ATG4D: variants seen among roughly 807,000 people sequenced by gnomAD.
ATG4D encodes autophagy related 4D cysteine peptidase.
ATG4D carries 51 observed loss-of-function variants against 55.2 expected under a neutral mutation model. The observed-to-expected ratio is 0.92, with a 90% CI of 0.74 to 1.17. ATG4D has a LOEUF of 1.17. Among genes scored for constraint, ATG4D ranks in the 50% most tolerant of loss-of-function variants. The pLI is 0.00. For synonymous variants in ATG4D, 268 were observed against 266.2 expected, an observed-to-expected ratio of 1.01 and a Z score of -0.07; for missense variants, 635 against 649.6, an observed-to-expected ratio of 0.98 and a Z score of 0.25.
Position 10,545,027 on chromosome 19 carries a change from C to T in ATG4D, c.390C>T (p.Pro130=). Residue 130 remains proline (P), a synonymous_variant, in exon 3 of 10, where the codon CCC becomes CCT. Transcript: ENST00000309469. ...LWLTYRRDFP[P]LPGGCLTSDC... ...TCACATACCGCCGGGACTTCCCGCC[C>T]CTTCCTGGGGGCTGCCTGACCTCGG... 1 of 1,611,884 alleles carries T rather than the reference C, an allele frequency of 6.2e-7. No individual in the cohort carries two copies. Among genetic ancestry groups the T allele is most frequent in the Non-Finnish European group, 8.5e-7 (1 of 1,179,044 alleles).
In ATG4D at chr19:10,546,973, C is replaced by G. The variant is rs371300714; in HGVS notation, c.628C>G (p.Arg210Gly). 6.2e-7 allele frequency: 1 copy of G among 1,606,212 alleles called. No individual in the cohort carries two copies. Among genetic ancestry groups the G allele is most frequent in the Admixed American group, 1.7e-5 (1 of 58,284 alleles). Reference sequence around the variant, plus strand: ...GGGTGCCCCTGAGCTGGAGCAGGAACGCCGGCACCGGCAGATTGTGTCCTG... The same window carrying G: ...GGGTGCCCCTGAGCTGGAGCAGGAAGGCCGGCACCGGCAGATTGTGTCCTG... ...AQGAPELEQE[R>G]RHRQIVSWFA... is the part of the protein sequence containing the mutation. The change falls in exon 4 of 10, where the codon CGC becomes GGC. Residue 210 changes from arginine to glycine, a missense_variant. Coordinates refer to ENST00000309469, the MANE Select transcript of ATG4D (RefSeq NM_032885.6).
In ATG4D at chr19:10,552,290, A is replaced by G. The variant is rs776358793; in HGVS notation, c.1208A>G (p.Lys403Arg). ...GTGGGCTTCTATGCTGGAGACAGGA[A>G]GGAGTTTGAGACACTCTGCTCAGAG... ...CTVGFYAGDR[K>R]EFETLCSELT... Residue 403 changes from lysine to arginine, a missense_variant, in exon 9 of 10, where the codon AAG (lysine) becomes AGG (arginine). By Grantham distance (26) the Lys-to-Arg change is conservative. Transcript: ENST00000309469. 4 of 1,613,444 alleles carry G rather than the reference A, an allele frequency of 2.5e-6. No individual in the cohort carries two copies. The highest frequency in any genetic ancestry group is 1.6e-4 in the Middle Eastern group (1 of 6,062).
Position 10,543,978 on chromosome 19 carries a change from C to T in ATG4D, c.-113C>T, listed in dbSNP as rs1915943265. 3.1e-6 allele frequency: 2 copies of T among 648,832 alleles called. No individual in the cohort carries two copies. Among genetic ancestry groups the T allele is most frequent in the Non-Finnish European group, 4.3e-6 (2 of 460,506 alleles). 40.2% of individuals were successfully genotyped at this position (648,832 alleles called of 1,614,324 possible). On this transcript the variant is annotated 5_prime_UTR_variant, in exon 1 of 10. It adds an upstream start codon to the 5' untranslated region. Coordinates refer to ENST00000309469, the MANE Select transcript of ATG4D (RefSeq NM_032885.6). ...GTTGCCTGGCCCGGTACCCTGGGGA[C>T]GGGGGCCGAGTAGCGCCTTCCCCGG...
At chr19:10,545,334 G>A (rs1474462193) in intron 3 of ATG4D, among the ~76,000 whole-genome samples, 1 of 152,146 alleles carries the variant, frequency 6.6e-6, no homozygotes, top group Non-Finnish European at 1.5e-5. Context: ...CACTTTGGGA[G>A]GCTGAGGCGG....
intron 6 of ATG4D, among the ~76,000 whole-genome samples, chr19:10,549,342 T>A (rs900289895): frequency 2.6e-5 from 4 of 152,130 alleles, no homozygotes; most frequent in Admixed American, 6.6e-5. Context: ...AGGCTGATCT[T>A]GAACTCCTAA....
rs1172857644 is a variant in ATG4D, at chr19:10,545,113, T to G, written c.476T>G (p.Leu159Arg). ...GQMMLAQGLLLHFLPRDWTWA... is the reference protein window; with the variant it reads ...GQMMLAQGLLRHFLPRDWTWA... ...ATGATGCTGGCACAGGGCCTTCTGC[T>G]GCATTTCCTGCCCAGAGGTGAGCCA... is the stretch of plus-strand genomic sequence containing the variant. The change falls in exon 3 of 10, where the codon CTG becomes CGG. Residue 159 changes from leucine to arginine, a missense_variant. Physicochemically the swap from Leu to Arg is moderately radical, Grantham distance 102. Transcript: ENST00000309469. 6.2e-7 allele frequency: 1 copy of G among 1,610,874 alleles called. No individual in the cohort carries two copies. The highest frequency in any genetic ancestry group is 8.5e-7 in the Non-Finnish European group (1 of 1,179,998).
intron 6 of ATG4D, among the ~76,000 whole-genome samples, chr19:10,549,582 T>C (rs1415015376): frequency 6.6e-6 from 1 of 151,264 alleles, no homozygotes. Flanking sequence ...CACGCCCGGC[T>C]AACTTTTGTA....
intron 7 of ATG4D, 34 bp downstream of exon 7, chr19:10,552,009 C>G (rs1274407557): frequency 6.2e-7 from 1 of 1,606,734 alleles, no homozygotes; most frequent in Non-Finnish European, 8.5e-7. Flanking sequence ...CTCCCACCCC[C>G]CACCGCACCC....
At chr19:10,549,219 G>A (rs899308546) in intron 6 of ATG4D, among the ~76,000 whole-genome samples, 185 bp downstream of exon 6, 2 of 151,962 alleles carry the variant, frequency 1.3e-5, no homozygotes, top group African/African-American at 2.4e-5. Context: ...CGCCTCCTGG[G>A]TTCAAGCGAT....
rs2144686896 is a variant in ATG4D at position 10,547,124 on chromosome 19, T to C, written c.770+9T>C. 1 of 1,607,946 alleles carries C rather than the reference T, an allele frequency of 6.2e-7. No individual in the cohort carries two copies. The highest frequency in any genetic ancestry group is 8.5e-7 in the Non-Finnish European group (1 of 1,176,826). On this transcript the variant is annotated intron_variant, in intron 4 of 9. Transcript: ENST00000309469. ...GTGGCACACATCCTCAGGTGAGGGCTGCTGCAGGGATCACGGGAGTTGCTG... is the reference window on the plus strand; with the variant it reads ...GTGGCACACATCCTCAGGTGAGGGCCGCTGCAGGGATCACGGGAGTTGCTG...
At chr19:10,551,807 C>T in intron 6 of ATG4D, 90 bp from the exon 7 acceptor site, 1 of 1,251,302 alleles carries the variant, frequency 8.0e-7, no homozygotes, top group Non-Finnish European at 1.2e-6. Context: ...CACTGCTGCC[C>T]TCCAGAGGCT....
chr19:10,546,727 T>G, intron 3 of ATG4D, 112 bp from the exon 4 acceptor site: 1 of 1,110,786 alleles, frequency 9.0e-7, no homozygotes. Flanking sequence ...ATATGTAAAT[T>G]CTGTTGAATT....
intron 3 of ATG4D, 25 bp downstream of exon 3, chr19:10,545,155 C>A: frequency 6.9e-6 from 11 of 1,602,942 alleles, no homozygotes; most frequent in Non-Finnish European, 9.3e-6. Context: ...GGAAGGGGTG[C>A]ACTAGGAGTA....
intron 1 of ATG4D, among the ~76,000 whole-genome samples, 179 bp downstream of exon 1, chr19:10,544,504 C>T (rs532544932): frequency 2.2e-4 from 33 of 152,302 alleles, no homozygotes; most frequent in African/African-American, 7.9e-4. Flanking sequence ...CGCCCATTCC[C>T]CTGTGTGACC....
rs748107012 is a variant in ATG4D at position 10,553,269 on chromosome 19, C to G, written c.*202C>G. On this transcript the variant is annotated 3_prime_UTR_variant, in exon 10 of 10. Transcript: ENST00000309469. ...CCTGTCTCCCACCAGCGGGGCCCTC[C>G]TGGCAGGGTAGGGAAGGAGGACCCC... 3 of 668,050 alleles carry G rather than the reference C, an allele frequency of 4.5e-6. No individual in the cohort carries two copies. Among genetic ancestry groups the G allele is most frequent in the Non-Finnish European group, 7.1e-6 (3 of 423,052 alleles). The allele number at this position is 668,050 out of a possible 1,614,324, so 41.4% of individuals were successfully genotyped here.
In ATG4D at chr19:10,551,960, T is replaced by C; in HGVS notation, c.1030T>C (p.Phe344Leu). 1 of 1,613,400 alleles carries C rather than the reference T, an allele frequency of 6.2e-7. No homozygotes were observed. Among genetic ancestry groups the C allele is most frequent in the African/African-American group, 1.3e-5 (1 of 74,968 alleles). The change falls in exon 7 of 10, where the codon TTC becomes CTC. Residue 344 changes from phenylalanine (F) to leucine (L), a missense_variant. Physicochemically the swap from Phe to Leu is conservative, Grantham distance 22 (BLOSUM62 0). Coordinates refer to ENST00000309469, the MANE Select transcript of ATG4D (RefSeq NM_032885.6). The stretch of plus-strand genomic sequence containing the variant: ...TGGGAAACCGCGACACTCACTGTAC[T>C]TCATTGGCTACCAAGGTAGGCCCAC... ...MGGKPRHSLY[F>L]IGYQDDFLLY...
chr19:10,548,177 G>A (rs1406581565), intron 5 of ATG4D, among the ~76,000 whole-genome samples: 6 of 151,024 alleles, frequency 4.0e-5, no homozygotes, highest in Admixed American at 2.0e-4. Context: ...CTACAGGCGC[G>A]TGCCATCACG....
intron 3 of ATG4D, among the ~76,000 whole-genome samples, chr19:10,545,651 G>A (rs1415189083): frequency 2.0e-5 from 3 of 151,472 alleles, no homozygotes; most frequent in African/African-American, 7.3e-5. Context: ...GCTGAGGCTG[G>A]TGGATCATGA....
At chr19:10,547,166 C>T (rs1187396093) in intron 4 of ATG4D, 23 bp from the exon 5 acceptor site, 1 of 1,613,364 alleles carries the variant, frequency 6.2e-7, no homozygotes, top group Admixed American at 1.7e-5. Flanking sequence ...CGCAGGCACT[C>T]AGGCCTTCCC....
Sources: allele counts gnomAD v4.1 joint callset (sites outside exome capture counted in the v4.1 genomes callset), GRCh38; gene constraint gnomAD v4.1.1; transcripts MANE v1.5; gene names NCBI Gene and HGNC (gene_info 2026-07-23, HGNC 2026-07-21).